SGCG: variants seen among roughly 807,000 people sequenced by gnomAD.
SGCG encodes the protein sarcoglycan gamma, also known as gamma-sarcoglycan.
Under a neutral mutation model 29.3 loss-of-function variants are expected in SGCG, and 26 were observed. The ratio of observed to expected loss-of-function variants is 0.89; its 90% CI spans 0.65 to 1.23. The LOEUF is 1.23. Ranked by LOEUF, SGCG falls within the 50% of genes most tolerant of loss-of-function variation. The pLI is 0.00. For missense variants in SGCG, 353 were observed against 356.0 expected, an observed-to-expected ratio of 0.99 and a Z score of 0.07; for synonymous variants, 145 against 129.7, an observed-to-expected ratio of 1.12 and a Z score of -0.80.
At chr13:23,220,435 C>T (rs73168659) in intron 2 of SGCG, among the ~76,000 whole-genome samples, 30,835 of 151,898 alleles carry the variant, frequency 0.2, 3,537 homozygotes, top group Non-Finnish European at 0.25. Context: ...GGGCAACGAG[C>T]GAAACTCCAT....
At chr13:23,248,123 T>A (rs1336080889) in intron 3 of SGCG, among the ~76,000 whole-genome samples, 1 of 151,434 alleles carries the variant, frequency 6.6e-6, no homozygotes, top group Non-Finnish European at 1.5e-5. Context: ...AAACATTTTT[T>A]AAATAAAAAA....
At chr13:23,315,571 AC>A (rs35789635) in intron 6 of SGCG, among the ~76,000 whole-genome samples, 28,908 of 152,100 alleles carry the variant, frequency 0.19, 3,328 homozygotes, top group Non-Finnish European at 0.25. Context: ...TGCAGGCACC[AC>A]CCAAAAGTGG....
At chr13:23,223,803 T>A (rs1878782760) in intron 2 of SGCG, among the ~76,000 whole-genome samples, 1 of 152,030 alleles carries the variant, frequency 6.6e-6, no homozygotes, top group South Asian at 2.1e-4. Flanking sequence ...CCGTCTCTAC[T>A]AAAAATACAA....
chr13:23,161,385 G>A, the SGCG span, among the ~76,000 whole-genome samples: 1 of 152,216 alleles, frequency 6.6e-6, no homozygotes, highest in Non-Finnish European at 1.5e-5. Flanking sequence ...CTCATCCAGT[G>A]ATAATATTGT....
upstream of SGCG, among the ~76,000 whole-genome samples, chr13:23,177,967 G>A (rs577258802): frequency 1.3e-5 from 2 of 152,172 alleles, no homozygotes; most frequent in East Asian, 3.9e-4. Flanking sequence ...GGCACCCAAG[G>A]GCATTGTCAC....
chr13:23,250,519 CTG>C (rs1426299251), intron 3 of SGCG, 109 bp from the exon 4 acceptor site: 1 of 689,884 alleles, frequency 1.4e-6, no homozygotes, highest in Non-Finnish European at 2.6e-6. Flanking sequence ...TTTCCAGGAT[CTG>C]TAACAATGGA....
intron 6 of SGCG, among the ~76,000 whole-genome samples, chr13:23,311,564 G>A (rs982792103): frequency 1.3e-5 from 2 of 152,198 alleles, no homozygotes; most frequent in African/African-American, 4.8e-5. Flanking sequence ...TACTCCTACA[G>A]GACAACTGGC....
At chr13:23,305,623 G>C (rs79887602) in intron 6 of SGCG, among the ~76,000 whole-genome samples, 5,508 of 152,194 alleles carry the variant, frequency 0.036, 137 homozygotes, top group South Asian at 0.096. Context: ...AAATGCCTCT[G>C]GTATTTCTCC....
intron 2 of SGCG, among the ~76,000 whole-genome samples, chr13:23,210,424 G>A (rs1006024950): frequency 7.7e-4 from 117 of 152,066 alleles, no homozygotes; most frequent in Non-Finnish European, 1.6e-3. Flanking sequence ...GGGCGCGGTG[G>A]CTCATTCCTG....
At chr13:23,255,484 A>G (rs1255455885) in intron 4 of SGCG, among the ~76,000 whole-genome samples, 5 of 152,192 alleles carry the variant, frequency 3.3e-5, no homozygotes, top group Non-Finnish European at 5.9e-5. Context: ...ATTGTATTTT[A>G]CAATGTGAGA....
At chr13:23,206,745 G>A (rs1270827862) in intron 2 of SGCG, among the ~76,000 whole-genome samples, 3 of 152,058 alleles carry the variant, frequency 2.0e-5, no homozygotes, top group Non-Finnish European at 2.9e-5. Flanking sequence ...GCAATATCTA[G>A]AAATAAACTT....
At chr13:23,210,335 GT>G (rs1878142892) in intron 2 of SGCG, among the ~76,000 whole-genome samples, 1 of 152,064 alleles carries the variant, frequency 6.6e-6, no homozygotes, top group African/African-American at 2.4e-5. Flanking sequence ...AGTATTTATT[GT>G]GAAAAAAGAT....
intron 6 of SGCG, among the ~76,000 whole-genome samples, chr13:23,319,945 A>T (rs1212375101): frequency 6.6e-6 from 1 of 152,180 alleles, no homozygotes; most frequent in Non-Finnish European, 1.5e-5. Context: ...AAATTTTACA[A>T]AACCAAAAGC....
At chr13:23,310,488 C>T (rs1390420356) in intron 6 of SGCG, among the ~76,000 whole-genome samples, 2 of 152,136 alleles carry the variant, frequency 1.3e-5, no homozygotes, top group Admixed American at 1.3e-4. Flanking sequence ...CACTGATTTA[C>T]ATTTTCCAAG....
intron 1 of SGCG, among the ~76,000 whole-genome samples, chr13:23,196,183 G>A (rs527333009): frequency 2.3e-4 from 35 of 152,056 alleles, no homozygotes; most frequent in African/African-American, 8.4e-4. Context: ...TAATTTGATG[G>A]ATTAATTACT....
intron 1 of SGCG, among the ~76,000 whole-genome samples, chr13:23,199,733 C>T (rs1877661694): frequency 7.0e-6 from 1 of 143,046 alleles, no homozygotes; most frequent in South Asian, 2.3e-4. Flanking sequence ...AGAATTACAG[C>T]TGGCAAACTT....
Position 23,204,706 on chromosome 13 carries a change from C to CTT in SGCG, c.195+833_195+834dup, listed in dbSNP as rs398056176. On this transcript the variant is annotated intron_variant, in intron 2 of 7. Coordinates refer to ENST00000218867, the MANE Select transcript of SGCG (RefSeq NM_000231.3). ...TCCTCTTTCTCTCTTTCTTTCTTTC[C>CTT]TTTTTTTTTTTTTTTTTGAGACGGA... Among the ~76,000 whole-genome samples the CTT allele has an allele frequency of 7.9e-4, 91 of 115,296 alleles. 2 individuals carry two copies. Among genetic ancestry groups the CTT allele is most frequent in the African/African-American group, 1.5e-3 (46 of 29,990 alleles). The allele number at this position is 115,296 out of a possible 152,430, so 75.6% of individuals were successfully genotyped here. A position where few individuals can be genotyped will look rare whatever the true frequency, so the allele number is the denominator to read the frequency against.
intron 2 of SGCG, among the ~76,000 whole-genome samples, chr13:23,223,953 A>G (rs973865418): frequency 1.1e-4 from 16 of 149,548 alleles, no homozygotes; most frequent in African/African-American, 4.0e-4. Context: ...GCAACAAAGC[A>G]AGACTCCATC....
intron 6 of SGCG, among the ~76,000 whole-genome samples, chr13:23,316,768 C>G (rs1646688511): frequency 6.6e-6 from 1 of 152,190 alleles, no homozygotes; most frequent in African/African-American, 2.4e-5. Context: ...GGGAGGACTG[C>G]TGCCACCAGG....
Sources: gnomAD v4.1 joint callset for allele counts (sites outside exome capture counted in the v4.1 genomes callset) on GRCh38, gnomAD v4.1.1 for gene constraint, MANE v1.5 for transcripts, NCBI Gene and HGNC (gene_info 2026-07-23, HGNC 2026-07-21) for gene names.